Variants in RANBP17 observed in about 807,000 individuals in gnomAD.
The protein encoded by RANBP17 is ran-binding protein 17.
RANBP17 carries 158 observed loss-of-function variants against 141.2 expected under a neutral mutation model. The observed-to-expected ratio is 1.12, with a 90% confidence interval of 0.98 to 1.28. The LOEUF is 1.28. RANBP17 is among the 50% of genes most tolerant of loss of function. The pLI is 0.00. For missense variants in RANBP17, 1,438 were observed against 1,290.7 expected, an observed-to-expected ratio of 1.11 and a Z score of -1.75; for synonymous variants, 430 against 450.0, an observed-to-expected ratio of 0.96 and a Z score of 0.56.
At chr5:171,280,471 G>T (rs561255370) in intron 25 of RANBP17, among the ~76,000 whole-genome samples, 1 of 152,128 alleles carries the variant, frequency 6.6e-6, no homozygotes, top group South Asian at 2.1e-4. Context: ...GTGGAGACGG[G>T]GTTTCACCAT....
chr5:171,055,017 C>G (rs1783247725), intron 14 of RANBP17, among the ~76,000 whole-genome samples: 1 of 152,098 alleles, frequency 6.6e-6, no homozygotes, highest in African/African-American at 2.4e-5. Flanking sequence ...AAGTGTTCAA[C>G]TTAAGAAAAC....
intron 14 of RANBP17, among the ~76,000 whole-genome samples, chr5:171,078,718 G>GGACA (rs1271317673): frequency 3.3e-5 from 5 of 152,208 alleles, no homozygotes; most frequent in African/African-American, 1.2e-4. Flanking sequence ...CTGGATGACA[G>GGACA]GACATCTTTT....
chr5:171,019,902 T>G (rs1009167252), intron 14 of RANBP17, among the ~76,000 whole-genome samples: 1 of 152,186 alleles, frequency 6.6e-6, no homozygotes, highest in South Asian at 2.1e-4. Context: ...CTTTCTGATA[T>G]GGGCATTTAG....
rs147797565 is a variant in RANBP17 at position 170,982,226 on chromosome 5, A to T, written c.1710+13849A>T. On this transcript the variant is annotated intron_variant, in intron 14 of 27. Transcript: ENST00000523189. Reference sequence around the variant, plus strand: ...TCAAGAGAGAGACCTACAGATATAGATATAGATATATAGGATCCTCAATTT... The same window carrying T: ...TCAAGAGAGAGACCTACAGATATAGTTATAGATATATAGGATCCTCAATTT... 6.5e-3 allele frequency among the ~76,000 whole-genome samples: 955 copies of T among 147,428 alleles called. 15 individuals carry two copies. The highest frequency in any genetic ancestry group is 0.023 in the African/African-American group (899 of 39,898).
chr5:171,054,489 G>A (rs568326188), intron 14 of RANBP17, among the ~76,000 whole-genome samples: 2 of 152,262 alleles, frequency 1.3e-5, no homozygotes, highest in East Asian at 3.9e-4. Flanking sequence ...TGGCACTAGT[G>A]GGAGTGTTTT....
chr5:170,952,770 G>A lies in RANBP17; in HGVS notation c.1469-827G>A, dbSNP rs949143488. Among the ~76,000 whole-genome samples the A allele has an allele frequency of 1.3e-3, 199 of 152,014 alleles. 1 individual carries two copies. Among genetic ancestry groups the A allele is most frequent in the African/African-American group, 4.7e-3 (194 of 41,516 alleles). On this transcript the variant is annotated intron_variant, in intron 12 of 27. Transcript: ENST00000523189. ...AAGAATAGCATAAAATTTGTTTTTA[G>A]CAAGATAATTTTATGTTGTTAATTA... is the stretch of plus-strand genomic sequence containing the variant.
At chr5:170,948,213 A>G (rs1461343303) in intron 12 of RANBP17, among the ~76,000 whole-genome samples, 1 of 152,152 alleles carries the variant, frequency 6.6e-6, no homozygotes, top group Admixed American at 6.6e-5. Flanking sequence ...TGAGTATATC[A>G]TAGCAAAAGA....
chr5:171,237,157 T>G (rs1434925139), intron 22 of RANBP17, among the ~76,000 whole-genome samples: 1 of 152,108 alleles, frequency 6.6e-6, no homozygotes, highest in African/African-American at 2.4e-5. Context: ...AAAGTACATC[T>G]TGCAAGTTGT....
chr5:171,199,523 G>A (rs377388607), intron 18 of RANBP17, 147 bp from the exon 19 acceptor site: 22 of 475,316 alleles, frequency 4.6e-5, no homozygotes, highest in African/African-American at 4.4e-4. Context: ...TATTCAGTGA[G>A]CAAAAGTACA....
chr5:171,097,983 T>G (rs1460992539), intron 14 of RANBP17, among the ~76,000 whole-genome samples: 1 of 152,192 alleles, frequency 6.6e-6, no homozygotes, highest in African/African-American at 2.4e-5. Flanking sequence ...TTTTTATGGC[T>G]GAATAGTATT....
intron 18 of RANBP17, among the ~76,000 whole-genome samples, chr5:171,197,881 A>G (rs540022670): frequency 6.6e-6 from 1 of 152,268 alleles, no homozygotes; most frequent in South Asian, 2.1e-4. Flanking sequence ...TACTAAAAAT[A>G]CAAAAAAATT....
rs764427569 is a variant in RANBP17, at chr5:171,240,987, A to T, written c.2482A>T (p.Lys828Ter). 3.7e-6 allele frequency: 6 copies of T among 1,613,868 alleles called. No homozygotes were observed. The African/African-American group carries it at 8.0e-5, about 22-fold the overall frequency. ...AGATCAGATTTATCCAATGAAACTC[A>T]AGGGCATCTCCATCTGCTATTCAGC... ...SKDQIYPMKL[K>*]GISICYSALK... Residue 828 changes from lysine (K) to a stop codon, truncating the protein, a stop_gained, in exon 23 of 28, where the codon AAG becomes TAG. Coordinates refer to ENST00000523189, the MANE Select transcript of RANBP17 (RefSeq NM_022897.5). LOFTEE classifies it high-confidence loss of function.
intron 14 of RANBP17, among the ~76,000 whole-genome samples, chr5:170,998,351 G>T (rs994435431): frequency 6.6e-6 from 1 of 152,104 alleles, no homozygotes; most frequent in African/African-American, 2.4e-5. Context: ...TTGGCATGGA[G>T]CTATTTTGTA....
intron 14 of RANBP17, among the ~76,000 whole-genome samples, chr5:171,059,287 A>G (rs1402262347): frequency 6.6e-6 from 1 of 152,134 alleles, no homozygotes; most frequent in Non-Finnish European, 1.5e-5. Context: ...TAGGGTTTTT[A>G]TGGTTTTAGG....
At chr5:171,278,837 G>A (rs1465690690) in intron 25 of RANBP17, among the ~76,000 whole-genome samples, 1 of 152,104 alleles carries the variant, frequency 6.6e-6, no homozygotes, top group Non-Finnish European at 1.5e-5. Flanking sequence ...GAGTTGTGAG[G>A]ACAAAATGAA....
intron 12 of RANBP17, among the ~76,000 whole-genome samples, chr5:170,925,331 G>A (rs927653116): frequency 3.3e-5 from 5 of 152,106 alleles, no homozygotes; most frequent in East Asian, 1.9e-4. Context: ...TCCATCTTGC[G>A]TTAAGTCACA....
chr5:171,241,149 A>G lies in RANBP17; in HGVS notation c.2637+7A>G, dbSNP rs764262514. 4 of 1,603,104 alleles carry G rather than the reference A, an allele frequency of 2.5e-6. No individual in the cohort carries two copies. The highest frequency in any genetic ancestry group is 3.4e-6 in the Non-Finnish European group (4 of 1,170,796). On this transcript the variant is annotated splice_region_variant and intron_variant, in intron 23 of 27. Transcript: ENST00000523189. Reference sequence around the variant, plus strand: ...GTCCCACAGTGACTTGCTAGTAAGCAATCATGCATCATGGGAGTGTTTGTA... The same window carrying G: ...GTCCCACAGTGACTTGCTAGTAAGCGATCATGCATCATGGGAGTGTTTGTA...
intron 8 of RANBP17, among the ~76,000 whole-genome samples, chr5:170,915,046 G>T (rs921467): frequency 0.6 from 91,283 of 151,860 alleles, 29,200 homozygotes; most frequent in South Asian, 0.9. Flanking sequence ...AGAGTTTAAG[G>T]TAGTGCTTTT....
chr5:171,017,258 G>A (rs1780504429), intron 14 of RANBP17, among the ~76,000 whole-genome samples: 1 of 152,086 alleles, frequency 6.6e-6, no homozygotes, highest in African/African-American at 2.4e-5. Context: ...TATTCCTTTG[G>A]ATATATACCC....
Sources: gnomAD v4.1 joint callset for allele counts (sites outside exome capture counted in the v4.1 genomes callset) on GRCh38, gnomAD v4.1.1 for gene constraint, MANE v1.5 for transcripts, NCBI Gene and HGNC (gene_info 2026-07-23, HGNC 2026-07-21) for gene names.